Variants in SNX29 observed in about 807,000 individuals in gnomAD.
The protein encoded by SNX29 is sorting nexin-29.
A neutral mutation model predicts 102.1 loss-of-function variants in SNX29; 78 were observed. The observed-to-expected ratio is 0.76, with a 90% CI of 0.64 to 0.92. The LOEUF (loss-of-function observed/expected upper bound fraction) is 0.92. Among genes scored for constraint, SNX29 ranks in the 40% least tolerant of loss-of-function variants. The probability of loss-of-function intolerance (pLI) is 0.00; values close to 1 mark genes in which losing one functional copy is unlikely to be tolerated. For missense variants in SNX29, 1,280 were observed against 1,061.7 expected, an observed-to-expected ratio of 1.21 and a Z score of -2.86; for synonymous variants, 580 against 414.5, an observed-to-expected ratio of 1.40 and a Z score of -4.85.
At chr16:11,987,594 A>G (rs918707039) in intron 1 of SNX29, among the ~76,000 whole-genome samples, 2 of 151,798 alleles carry the variant, frequency 1.3e-5, no homozygotes, top group Non-Finnish European at 2.9e-5. Flanking sequence ...ACGGGGTTTC[A>G]CCATGTTGGC....
intron 18 of SNX29, among the ~76,000 whole-genome samples, chr16:12,436,602 C>G (rs1186603577): frequency 6.6e-6 from 1 of 152,226 alleles, no homozygotes; most frequent in Non-Finnish European, 1.5e-5. Flanking sequence ...AAGGACTCTT[C>G]AGGGTCCTAG....
At chr16:12,152,444 G>A (rs1240810579) in intron 13 of SNX29, among the ~76,000 whole-genome samples, 2 of 152,166 alleles carry the variant, frequency 1.3e-5, no homozygotes, top group Admixed American at 6.5e-5. Context: ...AGGAGACAGT[G>A]TGGCTTCATG....
Position 12,120,163 on chromosome 16 carries a change from A to G in SNX29, c.1403-6470A>G, listed in dbSNP as rs538029347. Among the ~76,000 whole-genome samples, 13 of 152,328 alleles carry G rather than the reference A, an allele frequency of 8.5e-5. No individual in the cohort carries two copies. In the South Asian group the frequency reaches 2.7e-3, roughly 32 times the overall value. On this transcript the variant is annotated intron_variant, in intron 11 of 20. Coordinates refer to ENST00000566228, the MANE Select transcript of SNX29 (RefSeq NM_032167.5). ...TCCTTTCTTTTGGAGATAAAAGGAAAGGGAGTGGGTAGGCAGACAAAGATA... is the reference window on the plus strand; with the variant it reads ...TCCTTTCTTTTGGAGATAAAAGGAAGGGGAGTGGGTAGGCAGACAAAGATA...
At chr16:12,470,035 A>AAATAAATC (rs1464314256) in intron 18 of SNX29, among the ~76,000 whole-genome samples, 1 of 152,194 alleles carries the variant, frequency 6.6e-6, no homozygotes, top group African/African-American at 2.4e-5. Context: ...ATAAATAAAT[A>AAATAAATC]AATAAATCGC....
At chr16:12,524,868 C>T in intron 20 of SNX29, 27 bp downstream of exon 20, 1 of 1,601,884 alleles carries the variant, frequency 6.2e-7, no homozygotes, top group Non-Finnish European at 8.5e-7. Context: ...CGGACATGGG[C>T]CGCCAGCCCT....
At chr16:12,148,957 C>G (rs2055182574) in intron 13 of SNX29, among the ~76,000 whole-genome samples, 1 of 152,194 alleles carries the variant, frequency 6.6e-6, no homozygotes, top group Admixed American at 6.5e-5. Flanking sequence ...CTGCCTCAGC[C>G]TCCCAAAGTG....
intron 18 of SNX29, among the ~76,000 whole-genome samples, chr16:12,422,095 C>T (rs1163621462): frequency 6.6e-6 from 1 of 152,218 alleles, no homozygotes; most frequent in African/African-American, 2.4e-5. Context: ...ATTTCATCTT[C>T]TCTCTCCTTT....
At chr16:12,561,609 C>A (rs144179396) in intron 20 of SNX29, among the ~76,000 whole-genome samples, 1 of 152,076 alleles carries the variant, frequency 6.6e-6, no homozygotes, top group African/African-American at 2.4e-5. Flanking sequence ...CAGGACACAA[C>A]GCAGTGTACC....
At chr16:12,462,079 A>G (rs1464634241) in intron 18 of SNX29, among the ~76,000 whole-genome samples, 1 of 145,604 alleles carries the variant, frequency 6.9e-6, no homozygotes, top group East Asian at 2.1e-4. Flanking sequence ...ACCAGTGTGG[A>G]GATCAATATC....
At chr16:12,415,736 G>A (rs780626982) in intron 18 of SNX29, among the ~76,000 whole-genome samples, 18 of 152,132 alleles carry the variant, frequency 1.2e-4, no homozygotes, top group Non-Finnish European at 1.8e-4. Flanking sequence ...CCTCCCCAGC[G>A]GGTCTCCATG....
At chr16:12,342,872 A>C (rs1163755592) in intron 15 of SNX29, among the ~76,000 whole-genome samples, 1 of 152,188 alleles carries the variant, frequency 6.6e-6, no homozygotes. Flanking sequence ...GCTGGTGTTC[A>C]TGAATTACTG....
intron 18 of SNX29, among the ~76,000 whole-genome samples, chr16:12,442,248 C>G (rs2085840025): frequency 6.6e-6 from 1 of 152,178 alleles, no homozygotes; most frequent in South Asian, 2.1e-4. Flanking sequence ...GGGTTTGTTT[C>G]TGGACTCTTG....
intron 4 of SNX29, among the ~76,000 whole-genome samples, chr16:12,032,092 C>T (rs1355605841): frequency 6.6e-6 from 1 of 152,090 alleles, no homozygotes; most frequent in Admixed American, 6.6e-5. Flanking sequence ...GTTCCTTGTA[C>T]CAATGGAATC....
chr16:12,129,794 G>A, intron 13 of SNX29, 36 bp downstream of exon 13: 1 of 1,565,040 alleles, frequency 6.4e-7, no homozygotes, highest in Non-Finnish European at 8.7e-7. Flanking sequence ...GTAAGCACGT[G>A]GGGGCTTCAT....
At chr16:12,022,579 C>T (rs145105479) in intron 3 of SNX29, among the ~76,000 whole-genome samples, 3 of 152,204 alleles carry the variant, frequency 2.0e-5, no homozygotes, top group Non-Finnish European at 4.4e-5. Context: ...TTCCATTATC[C>T]CCCCAAATTC....
At chr16:12,063,394 A>ATTTTTTTTTTTTTTTTTTTTTTTTTTTTT (rs2050870525) in intron 9 of SNX29, among the ~76,000 whole-genome samples, 1 of 19,554 alleles carries the variant, frequency 5.1e-5, no homozygotes, top group Non-Finnish European at 1.3e-4. Flanking sequence ...TTTTTTTTTG[A>ATTTTTTTTTTTTTTTTTTTTTTTTTTTTT]GGTGGAGTCT....
intron 15 of SNX29, among the ~76,000 whole-genome samples, chr16:12,290,832 C>A (rs2079768831): frequency 6.6e-6 from 1 of 152,142 alleles, no homozygotes; most frequent in Non-Finnish European, 1.5e-5. Flanking sequence ...TCTTGCTCCC[C>A]TGCCATGGTG....
intron 14 of SNX29, among the ~76,000 whole-genome samples, chr16:12,217,741 C>T (rs375916505): frequency 1.9e-4 from 29 of 152,306 alleles, no homozygotes; most frequent in African/African-American, 6.7e-4. Context: ...TGCTATTGAT[C>T]AGTGCCAAGT....
intron 18 of SNX29, chr16:12,443,098 A>G (rs2151679653): frequency 2.2e-6 from 1 of 447,984 alleles, no homozygotes; most frequent in Middle Eastern, 3.7e-4. Context: ...TGGAGGGAAC[A>G]GTGTGTCAGA....
Sources: gnomAD v4.1 joint callset for allele counts (sites outside exome capture counted in the v4.1 genomes callset) on GRCh38, gnomAD v4.1.1 for gene constraint, MANE v1.5 for transcripts, NCBI Gene and HGNC (gene_info 2026-07-23, HGNC 2026-07-21) for gene names.